Variants in EBF2 observed in about 807,000 individuals in gnomAD.
EBF2 encodes EBF transcription factor 2, also known as transcription factor COE2.
Under a neutral mutation model 72.8 loss-of-function variants are expected in EBF2, and 21 were observed. The ratio of observed to expected loss-of-function variants is 0.29; its 90% CI spans 0.20 to 0.42. EBF2 has a LOEUF of 0.42. EBF2 is among the 10% of genes least tolerant of loss of function. EBF2 has a pLI of 1.00. For synonymous variants in EBF2, 299 were observed against 274.2 expected (o/e 1.09, Z -0.89); for missense variants, 637 against 731.2 (o/e 0.87, Z 1.49).
intron 6 of EBF2, among the ~76,000 whole-genome samples, chr8:25,976,298 G>C (rs750209682): frequency 6.6e-6 from 1 of 152,118 alleles, no homozygotes; most frequent in South Asian, 2.1e-4. Flanking sequence ...ATGGAGATCC[G>C]TAAAATTTTG....
At chr8:25,999,377 T>G (rs1180867810) in intron 6 of EBF2, among the ~76,000 whole-genome samples, 2 of 152,136 alleles carry the variant, frequency 1.3e-5, no homozygotes, top group Admixed American at 1.3e-4. Context: ...GATGAAGATG[T>G]ATTTGAATTT....
chr8:25,894,822 T>C (rs1000237281), intron 7 of EBF2, among the ~76,000 whole-genome samples: 1 of 152,208 alleles, frequency 6.6e-6, no homozygotes, highest in Non-Finnish European at 1.5e-5. Flanking sequence ...GATCAACTGA[T>C]CTGCTTTAAA....
chr8:25,894,103 T>C (rs1048722406), intron 7 of EBF2, among the ~76,000 whole-genome samples: 1 of 152,218 alleles, frequency 6.6e-6, no homozygotes, highest in Non-Finnish European at 1.5e-5. Flanking sequence ...CCAATTCAAC[T>C]GAATTTTCAA....
chr8:26,023,976 T>C (rs1805256245), intron 6 of EBF2, among the ~76,000 whole-genome samples: 1 of 152,184 alleles, frequency 6.6e-6, no homozygotes, highest in African/African-American at 2.4e-5. Flanking sequence ...CTCAAAATCC[T>C]TCTACATCTT....
chr8:25,939,774 G>A (rs961245476), intron 6 of EBF2, among the ~76,000 whole-genome samples: 14 of 152,320 alleles, frequency 9.2e-5, no homozygotes, highest in African/African-American at 3.1e-4. Flanking sequence ...AAAGAGAGGA[G>A]TTTGAGATAA....
chr8:25,921,675 G>A (rs890024628), intron 6 of EBF2, among the ~76,000 whole-genome samples: 3 of 152,146 alleles, frequency 2.0e-5, no homozygotes, highest in East Asian at 1.9e-4. Flanking sequence ...TCTGTTTCAC[G>A]TTTCTTTATT....
intron 14 of EBF2, among the ~76,000 whole-genome samples, chr8:25,852,198 T>C (rs973711099): frequency 1.3e-5 from 2 of 152,190 alleles, no homozygotes; most frequent in Non-Finnish European, 2.9e-5. Context: ...ATAAAAACAC[T>C]GTTGGGCTAA....
At chr8:26,003,678 T>C (rs920148593) in intron 6 of EBF2, among the ~76,000 whole-genome samples, 16 of 152,252 alleles carry the variant, frequency 1.1e-4, no homozygotes, top group African/African-American at 3.9e-4. Context: ...TGCAAGGTCA[T>C]TATGCTTAGA....
At chr8:25,955,024 G>A (rs953488574) in intron 6 of EBF2, among the ~76,000 whole-genome samples, 4 of 152,168 alleles carry the variant, frequency 2.6e-5, no homozygotes, top group Non-Finnish European at 5.9e-5. Flanking sequence ...GGCGCCCAGG[G>A]GCTGCACGCT....
chr8:25,885,733 T>G (rs547597361), intron 10 of EBF2, among the ~76,000 whole-genome samples: 59 of 152,296 alleles, frequency 3.9e-4, no homozygotes, highest in Admixed American at 3.1e-3. Context: ...TCTGTCACCA[T>G]GTAAGATGTG....
At chr8:25,898,050 C>G (rs1024788702) in intron 7 of EBF2, among the ~76,000 whole-genome samples, 1 of 152,266 alleles carries the variant, frequency 6.6e-6, no homozygotes, top group East Asian at 1.9e-4. Context: ...GAAACATTGT[C>G]GCAGCCTTAA....
intron 6 of EBF2, among the ~76,000 whole-genome samples, chr8:25,938,590 C>T (rs1803618732): frequency 1.3e-5 from 2 of 152,056 alleles, no homozygotes; most frequent in African/African-American, 4.8e-5. Context: ...TTCTTTGTGC[C>T]TTAATGAAAG....
chr8:25,848,877 C>T (rs949065695), intron 15 of EBF2, among the ~76,000 whole-genome samples: 9 of 152,172 alleles, frequency 5.9e-5, no homozygotes, highest in African/African-American at 2.2e-4. Context: ...AACCAGAGAA[C>T]TTAAAAAGAG....
intron 6 of EBF2, among the ~76,000 whole-genome samples, chr8:25,989,497 T>G (rs1435029777): frequency 2.0e-5 from 3 of 152,250 alleles, no homozygotes; most frequent in Non-Finnish European, 2.9e-5. Flanking sequence ...TAGGAAGCTC[T>G]GATTCTTTAA....
At chr8:25,904,190 G>C (rs1802998985) in intron 7 of EBF2, among the ~76,000 whole-genome samples, 1 of 144,516 alleles carries the variant, frequency 6.9e-6, no homozygotes, top group Non-Finnish European at 1.5e-5. Flanking sequence ...TATTTCAATG[G>C]GATACAGACT....
At chr8:25,996,150 C>T (rs992804950) in intron 6 of EBF2, among the ~76,000 whole-genome samples, 1 of 151,850 alleles carries the variant, frequency 6.6e-6, no homozygotes, top group Non-Finnish European at 1.5e-5. Context: ...AAAAGTAAAA[C>T]AATTGGCCAG....
intron 10 of EBF2, among the ~76,000 whole-genome samples, chr8:25,879,407 T>C (rs1802570016): frequency 6.6e-6 from 1 of 152,210 alleles, no homozygotes; most frequent in Non-Finnish European, 1.5e-5. Flanking sequence ...GGCAGACATT[T>C]CTAGAAGTAG....
At chr8:26,033,508 G>A (rs1239221127) in intron 5 of EBF2, among the ~76,000 whole-genome samples, 2 of 152,194 alleles carry the variant, frequency 1.3e-5, no homozygotes, top group Non-Finnish European at 2.9e-5. Context: ...GGGATTACTG[G>A]CATGAGCTGT....
rs190470683 is a variant in EBF2, at chr8:26,033,481, C to T, written c.483-328G>A. 9.6e-3 allele frequency among the ~76,000 whole-genome samples: 1,458 copies of T among 152,330 alleles called. 14 individuals carry two copies. Among genetic ancestry groups the T allele is most frequent in the Non-Finnish European group, 0.014 (973 of 68,034 alleles). ...CTGACCTCAGGTGATCTGCCCACCT[C>T]GGCCTCCCAAAGTGCTGGGATTACT... On this transcript the variant is annotated intron_variant, in intron 5 of 15. Transcript: ENST00000520164.
Sources: gnomAD v4.1 joint callset for allele counts (sites outside exome capture counted in the v4.1 genomes callset) on GRCh38, gnomAD v4.1.1 for gene constraint, MANE v1.5 for transcripts, NCBI Gene and HGNC (gene_info 2026-07-23, HGNC 2026-07-21) for gene names.